The following ST6GALNAC5 variants were observed in gnomAD, a reference collection of about 807,000 sequenced individuals.
The protein encoded by ST6GALNAC5 is ST6 N-acetylgalactosaminide alpha-2,6-sialyltransferase 5.
In ST6GALNAC5, 27 loss-of-function variants were observed where a neutral mutation model predicts 33.6. That is an observed-to-expected ratio of 0.80 (90% CI 0.59 to 1.11). The LOEUF is 1.11. Among genes scored for constraint, ST6GALNAC5 ranks in the 50% least tolerant of loss-of-function variants. The pLI, the probability that ST6GALNAC5 is intolerant of heterozygous loss-of-function variation, is 0.00. For missense variants in ST6GALNAC5, 428 were observed against 454.0 expected (o/e 0.94, Z 0.52); for synonymous variants, 194 against 171.2 (o/e 1.13, Z -1.04).
chr1:77,020,281 T>C (rs1651002772), intron 2 of ST6GALNAC5, among the ~76,000 whole-genome samples: 1 of 152,168 alleles, frequency 6.6e-6, no homozygotes, highest in Non-Finnish European at 1.5e-5. Flanking sequence ...GAGACTGGGG[T>C]CTTGCACTCG....
At chr1:76,998,766 T>C (rs1650033991) in intron 2 of ST6GALNAC5, among the ~76,000 whole-genome samples, 1 of 152,194 alleles carries the variant, frequency 6.6e-6, no homozygotes, top group South Asian at 2.1e-4. Flanking sequence ...CTAATATGTG[T>C]GAAATGTTTG....
intron 2 of ST6GALNAC5, among the ~76,000 whole-genome samples, chr1:76,882,788 G>A (rs142215475): frequency 1.3e-5 from 2 of 152,136 alleles, no homozygotes; most frequent in East Asian, 3.9e-4. Flanking sequence ...TGTTTCCTAT[G>A]GCTTCCCATT....
chr1:77,038,297 A>T (rs1651724207), intron 2 of ST6GALNAC5, among the ~76,000 whole-genome samples: 1 of 152,188 alleles, frequency 6.6e-6, no homozygotes, highest in Admixed American at 6.5e-5. Flanking sequence ...TTTCTAGTGA[A>T]TCACATTAAA....
intron 2 of ST6GALNAC5, among the ~76,000 whole-genome samples, chr1:76,878,240 C>T (rs1653693430): frequency 6.6e-6 from 1 of 152,136 alleles, no homozygotes; most frequent in Non-Finnish European, 1.5e-5. Context: ...CCTTTCCCAC[C>T]ATAATAGCCC....
intron 2 of ST6GALNAC5, among the ~76,000 whole-genome samples, chr1:77,035,086 C>A (rs1651601798): frequency 6.6e-6 from 1 of 152,150 alleles, no homozygotes; most frequent in Non-Finnish European, 1.5e-5. Flanking sequence ...GATTGCTGGG[C>A]CCCATCATGG....
At chr1:76,990,342 T>C (rs1485920874) in intron 2 of ST6GALNAC5, among the ~76,000 whole-genome samples, 2 of 152,166 alleles carry the variant, frequency 1.3e-5, no homozygotes, top group African/African-American at 4.8e-5. Flanking sequence ...GGCAAGCTGA[T>C]TTATGGAACT....
intron 2 of ST6GALNAC5, among the ~76,000 whole-genome samples, chr1:76,932,774 C>T (rs946066632): frequency 6.6e-6 from 1 of 152,016 alleles, no homozygotes; most frequent in African/African-American, 2.4e-5. Flanking sequence ...GGCTGACAAA[C>T]TAGGCTTGTG....
chr1:76,934,671 G>A (rs981772112), intron 2 of ST6GALNAC5, among the ~76,000 whole-genome samples: 3 of 151,998 alleles, frequency 2.0e-5, no homozygotes, highest in African/African-American at 7.2e-5. Context: ...AGGCCTGCAT[G>A]CTAAAACCTG....
At chr1:77,037,990 T>C (rs1048344898) in intron 2 of ST6GALNAC5, among the ~76,000 whole-genome samples, 20 of 152,228 alleles carry the variant, frequency 1.3e-4, no homozygotes, top group African/African-American at 4.6e-4. Context: ...GGCTTTACTA[T>C]CTTCGTGTCA....
In ST6GALNAC5 at chr1:76,868,525, T is replaced by C. The variant is rs1178394106; in HGVS notation, c.44T>C (p.Leu15Pro). ...MRHGLAVCLA[L>P]TTMCTSLLLV... ...CATGGTCTGGCAGTGTGTTTAGCGC[T>C]CACCACCATGTGCACCAGCTTGTTG... The change falls in exon 2 of 5, where the codon CTC becomes CCC. Residue 15 changes from leucine (L) to proline (P), a missense_variant. Coordinates refer to ENST00000477717, the MANE Select transcript of ST6GALNAC5 (RefSeq NM_030965.3). The surrounding 1 kb of genome is among the most constrained non-coding windows in gnomAD (Gnocchi z 4.3). 6.2e-7 allele frequency: 1 copy of C among 1,612,478 alleles called. No homozygotes were observed. The highest frequency in any genetic ancestry group is 1.3e-5 in the African/African-American group (1 of 74,904).
chr1:76,929,334 A>T (rs1439888910), intron 2 of ST6GALNAC5, among the ~76,000 whole-genome samples: 1 of 152,152 alleles, frequency 6.6e-6, no homozygotes, highest in Admixed American at 6.6e-5. Context: ...TGAGCCTAGA[A>T]GTTGGAGACC....
chr1:76,867,829 G>A, intron 1 of ST6GALNAC5, 139 bp downstream of exon 1: 2 of 1,241,612 alleles, frequency 1.6e-6, no homozygotes, highest in Non-Finnish European at 2.3e-6. Context: ...CTTTCTACCC[G>A]CTCCGCGTTC....
intron 4 of ST6GALNAC5, among the ~76,000 whole-genome samples, chr1:77,058,290 GTT>G (rs1484867342): frequency 6.6e-6 from 1 of 152,208 alleles, no homozygotes; most frequent in Non-Finnish European, 1.5e-5. Context: ...GTTTGGATAT[GTT>G]TTGTTTGTTC....
At chr1:76,904,451 G>T (rs539448813) in intron 2 of ST6GALNAC5, among the ~76,000 whole-genome samples, 1 of 152,170 alleles carries the variant, frequency 6.6e-6, no homozygotes, top group African/African-American at 2.4e-5. Context: ...TATTCAAAAT[G>T]GAATACCATA....
intron 2 of ST6GALNAC5, among the ~76,000 whole-genome samples, chr1:76,950,389 A>C (rs1236316024): frequency 6.6e-6 from 1 of 152,118 alleles, no homozygotes; most frequent in Non-Finnish European, 1.5e-5. Flanking sequence ...TTTAGTCCCA[A>C]CTTATAGGTA....
At chr1:77,034,307 C>T (rs1310928632) in intron 2 of ST6GALNAC5, among the ~76,000 whole-genome samples, 1 of 152,038 alleles carries the variant, frequency 6.6e-6, no homozygotes, top group Non-Finnish European at 1.5e-5. Context: ...TCACGTGGTG[C>T]TCTCCCTGTG....
At chr1:77,010,159 T>A (rs1178419484) in intron 2 of ST6GALNAC5, among the ~76,000 whole-genome samples, 2 of 152,176 alleles carry the variant, frequency 1.3e-5, no homozygotes, top group African/African-American at 4.8e-5. Flanking sequence ...CAGTGATCAA[T>A]AAGTGTTAAC....
chr1:76,919,364 C>T (rs1233703586), intron 2 of ST6GALNAC5, among the ~76,000 whole-genome samples: 4 of 152,040 alleles, frequency 2.6e-5, no homozygotes, highest in African/African-American at 4.8e-5. Flanking sequence ...GGAATGTGTG[C>T]GCCATTCTTC....
chr1:76,928,843 A>T (rs566546715), intron 2 of ST6GALNAC5, among the ~76,000 whole-genome samples: 1 of 151,942 alleles, frequency 6.6e-6, no homozygotes, highest in African/African-American at 2.4e-5. Context: ...TGTCTCCCTT[A>T]TGTGCACTTT....
Sources: gnomAD v4.1 joint callset for allele counts (sites outside exome capture counted in the v4.1 genomes callset) on GRCh38, gnomAD v4.1.1 for gene constraint, Gnocchi (gnomAD v3.1) non-coding constraint, MANE v1.5 for transcripts, NCBI Gene and HGNC (gene_info 2026-07-23, HGNC 2026-07-21) for gene names.